The following DYNLL1 variants were observed in gnomAD, a reference collection of about 807,000 sequenced individuals.
The protein encoded by DYNLL1 is dynein light chain 1, cytoplasmic.
DYNLL1 carries 3 observed loss-of-function variants against 10.1 expected under a neutral mutation model. The ratio of observed to expected loss-of-function variants is 0.30; its 90% CI spans 0.14 to 0.77. The LOEUF (loss-of-function observed/expected upper bound fraction) is 0.77, where lower values mean the gene tolerates loss of function less well. Ranked by LOEUF, DYNLL1 falls within the 30% of genes least tolerant of loss-of-function variation. The probability of loss-of-function intolerance (pLI) is 0.66; values close to 1 mark genes in which losing one functional copy is unlikely to be tolerated. For synonymous variants in DYNLL1, 46 were observed against 41.2 expected, an observed-to-expected ratio of 1.12 and a Z score of -0.45; for missense variants, 47 against 111.7, an observed-to-expected ratio of 0.42 and a Z score of 2.61.
rs530739484 is a variant in DYNLL1 at position 120,498,020 on chromosome 12, A to G, written c.133-53A>G. The G allele has an allele frequency of 6.4e-6, 10 of 1,572,908 alleles. No individual in the cohort carries two copies. The African/African-American group carries it at 1.2e-4, about 19-fold the overall frequency. Reference sequence around the variant, plus strand: ...CAGGCTCTGGCTTATCCAAGAGGCAAACACTGACCTCTGGTAATTAAAATC... The same window carrying G: ...CAGGCTCTGGCTTATCCAAGAGGCAGACACTGACCTCTGGTAATTAAAATC... On this transcript the variant is annotated intron_variant, in intron 2 of 2. Transcript: ENST00000242577.
intron 1 of DYNLL1, among the ~76,000 whole-genome samples, chr12:120,479,474 T>A (rs1671759): frequency 0.08 from 7,945 of 98,794 alleles, 425 homozygotes; most frequent in African/African-American, 0.16. Context: ...AAAAAAATAA[T>A]AATAATAATA....
chr12:120,476,917 TTTTTG>T (rs147576400), intron 1 of DYNLL1, among the ~76,000 whole-genome samples: 2,919 of 150,052 alleles, frequency 0.019, 99 homozygotes, highest in African/African-American at 0.068. Flanking sequence ...CGGACTTTGT[TTTTTG>T]TTTTGTTTTT....
At chr12:120,484,568 A>C (rs1878951345) in intron 1 of DYNLL1, among the ~76,000 whole-genome samples, 1 of 152,200 alleles carries the variant, frequency 6.6e-6, no homozygotes, top group Non-Finnish European at 1.5e-5. Context: ...AAATTTCTAC[A>C]GTGTTTCACT....
At chr12:120,485,570 TG>T (rs1878975519) in intron 1 of DYNLL1, among the ~76,000 whole-genome samples, 1 of 152,072 alleles carries the variant, frequency 6.6e-6, no homozygotes, top group African/African-American at 2.4e-5. Flanking sequence ...CCAGGTTCAG[TG>T]GCTCATGCCT....
Position 120,496,830 on chromosome 12 carries a change from C to G in DYNLL1, c.132+277C>G, listed in dbSNP as rs1868434352. 4 of 598,388 alleles carry G rather than the reference C, an allele frequency of 6.7e-6. No homozygotes were observed. The East Asian group carries it at 1.1e-4, about 17-fold the overall frequency. 37.1% of individuals were successfully genotyped at this position (598,388 alleles called of 1,614,324 possible). On this transcript the variant is annotated intron_variant, in intron 2 of 2. Coordinates refer to ENST00000242577, the MANE Select transcript of DYNLL1 (RefSeq NM_003746.3). ...TCTAAGATCAGGGAGCAGCGGTTCC[C>G]CCTTCTGTGTGGTTCCTGCGCCGAG...
At chr12:120,494,211 T>C (rs1275230921), upstream of DYNLL1, among the ~76,000 whole-genome samples, 1 of 151,966 alleles carries the variant, frequency 6.6e-6, no homozygotes, top group Admixed American at 6.6e-5. Flanking sequence ...ATTAGAAACA[T>C]GGAACTGGAA....
upstream of DYNLL1, chr12:120,491,149 A>AG (rs1879117817): frequency 6.6e-6 from 1 of 152,446 alleles, no homozygotes; most frequent in South Asian, 2.1e-4. Flanking sequence ...CTGAGAGCTG[A>AG]GGGGGCCTGT....
upstream of DYNLL1, among the ~76,000 whole-genome samples, chr12:120,492,384 A>G (rs1354237406): frequency 6.6e-6 from 1 of 152,124 alleles, no homozygotes; most frequent in African/African-American, 2.4e-5. This position sits in a 1 kb window ranked among gnomAD's most constrained non-coding sequence, Gnocchi z 4.1. Flanking sequence ...CCTGGCCAAC[A>G]TGGTGAAACC....
upstream of DYNLL1, chr12:120,496,101 G>T (rs888549866): frequency 8.8e-6 from 4 of 455,334 alleles, no homozygotes; most frequent in Non-Finnish European, 1.6e-5. Flanking sequence ...GGCGGCTGGC[G>T]TGGGGCTGCT....
intron 1 of DYNLL1, among the ~76,000 whole-genome samples, chr12:120,482,081 T>TA (rs1396348276): frequency 1.3e-5 from 2 of 152,160 alleles, no homozygotes; most frequent in Non-Finnish European, 1.5e-5. Context: ...TGAGGGTAGA[T>TA]AAAAAGTTTT....
intron 1 of DYNLL1, among the ~76,000 whole-genome samples, chr12:120,470,726 C>T (rs886131754): frequency 1.3e-5 from 2 of 151,756 alleles, no homozygotes; most frequent in Non-Finnish European, 2.9e-5. Context: ...TTGAGCCCGG[C>T]GCCCGGCTGG....
intron 1 of DYNLL1, among the ~76,000 whole-genome samples, chr12:120,476,645 CTT>C (rs1344625872): frequency 2.0e-5 from 3 of 152,146 alleles, no homozygotes; most frequent in Non-Finnish European, 2.9e-5. Context: ...GAGTTTCGCT[CTT>C]GTCACCCAGG....
Position 120,485,555 on chromosome 12 carries a change from A to G in DYNLL1, c.-6-10861A>G, listed in dbSNP as rs538439750. Among the ~76,000 whole-genome samples the G allele has an allele frequency of 2.0e-5, 3 of 152,014 alleles. No homozygotes were observed. The East Asian group carries it at 5.8e-4, about 29-fold the overall frequency. Reference sequence around the variant, plus strand: ...GAAAAGCAGGTAACAAAAATGATACATTGGCCAGGTTCAGTGGCTCATGCC... The same window carrying G: ...GAAAAGCAGGTAACAAAAATGATACGTTGGCCAGGTTCAGTGGCTCATGCC... On this transcript the variant is annotated intron_variant, in intron 1 of 2. Coordinates refer to the DYNLL1 transcript ENST00000392509.
chr12:120,480,800 T>G (rs1324403006), intron 1 of DYNLL1, among the ~76,000 whole-genome samples: 2 of 151,910 alleles, frequency 1.3e-5, no homozygotes, highest in African/African-American at 4.8e-5. Context: ...CTCGCTCTGT[T>G]GCCCAGGCTG....
intron 1 of DYNLL1, among the ~76,000 whole-genome samples, chr12:120,474,715 G>A (rs954624980): frequency 6.6e-6 from 1 of 152,154 alleles, no homozygotes; most frequent in African/African-American, 2.4e-5. Context: ...TCTCTGTCAG[G>A]CTCAGTCATG....
chr12:120,477,293 A>C (rs1321033173), intron 1 of DYNLL1, among the ~76,000 whole-genome samples: 1 of 152,126 alleles, frequency 6.6e-6, no homozygotes, highest in African/African-American at 2.4e-5. Context: ...AGGGTTATGT[A>C]CATGGCATCT....
chr12:120,470,220 G>C (rs1878613568), intron 1 of DYNLL1: 1 of 152,342 alleles, frequency 6.6e-6, no homozygotes, highest in Non-Finnish European at 1.5e-5. Context: ...GAGGGAGTAA[G>C]ACTCTTAATG....
chr12:120,479,555 T>G (rs1247101234), intron 1 of DYNLL1, among the ~76,000 whole-genome samples: 1 of 152,016 alleles, frequency 6.6e-6, no homozygotes, highest in East Asian at 1.9e-4. Context: ...AGGGCACTCC[T>G]GCAGCTCTTA....
chr12:120,479,444 G>T, intron 1 of DYNLL1, among the ~76,000 whole-genome samples: 1 of 55,612 alleles, frequency 1.8e-5, no homozygotes, highest in Admixed American at 3.3e-4. Context: ...GTGAAACTCC[G>T]TCTCCAAAAA....
Sources: gnomAD v4.1 joint callset for allele counts (sites outside exome capture counted in the v4.1 genomes callset) on GRCh38, gnomAD v4.1.1 for gene constraint, Gnocchi (gnomAD v3.1) non-coding constraint, MANE v1.5 for transcripts, NCBI Gene and HGNC (gene_info 2026-07-23, HGNC 2026-07-21) for gene names.